AMBRA1: variants seen among roughly 807,000 people sequenced by gnomAD.
AMBRA1 encodes the protein activating molecule in BECN1-regulated autophagy protein 1.
Under a neutral mutation model 125.4 loss-of-function variants are expected in AMBRA1, and 47 were observed. That is an observed-to-expected ratio of 0.37 (90% CI 0.30 to 0.48). The LOEUF (loss-of-function observed/expected upper bound fraction) is 0.48, where lower values mean the gene tolerates loss of function less well. Ranked by LOEUF, AMBRA1 falls within the 20% of genes least tolerant of loss-of-function variation. The pLI is 0.99. For synonymous variants in AMBRA1, 626 were observed against 655.5 expected (o/e 0.95, Z 0.69); for missense variants, 1,331 against 1,693.4 (o/e 0.79, Z 3.76).
chr11:46,565,195 T>C (rs1025264011), intron 1 of AMBRA1, among the ~76,000 whole-genome samples: 3 of 152,092 alleles, frequency 2.0e-5, no homozygotes, highest in African/African-American at 7.2e-5. Flanking sequence ...GAGGCGAAGG[T>C]TGCAATGAGC....
intron 11 of AMBRA1, among the ~76,000 whole-genome samples, chr11:46,488,236 C>T (rs1460485908): frequency 6.6e-6 from 1 of 152,002 alleles, no homozygotes; most frequent in Non-Finnish European, 1.5e-5. Flanking sequence ...CAGGTAGATC[C>T]CTTGACATCA....
chr11:46,428,884 A>C (rs867131354), intron 14 of AMBRA1: 28 of 1,611,684 alleles, frequency 1.7e-5, no homozygotes, highest in Non-Finnish European at 2.3e-5. Context: ...TGGCAGGCAC[A>C]ATCTCTGGGG....
chr11:46,508,179 G>A lies in AMBRA1; in HGVS notation c.2339+12C>T. 1 of 1,613,948 alleles carries A rather than the reference G, an allele frequency of 6.2e-7. No individual in the cohort carries two copies. Among genetic ancestry groups the A allele is most frequent in the East Asian group, 2.2e-5 (1 of 44,888 alleles). On this transcript the variant is annotated intron_variant, in intron 9 of 17. Transcript: ENST00000683756. ...GAGGAGAGGGAAGAAAGCAAGCTGA[G>A]TATGTACTTACTCAAAGTCCTCAAA...
rs1373942570 is a variant in AMBRA1, at chr11:46,543,022, G to T, written c.995C>A (p.Ala332Asp). The change falls in exon 7 of 18, where the codon GCT becomes GAT. Residue 332 changes from alanine to aspartate, a missense_variant. Transcript: ENST00000683756. ...LLPHQDSVPP[A>D]SARATTPSFS... ...GGAAGGGGTAGTAGCTCTGGCAGAA[G>T]CAGGGGGGACACTGTCCTGGTGTGG... 1 of 1,599,646 alleles carries T rather than the reference G, an allele frequency of 6.3e-7. No individual in the cohort carries two copies.
At chr11:46,591,417 T>C (rs984164114) in intron 1 of AMBRA1, 1 of 152,188 alleles carries the variant, frequency 6.6e-6, no homozygotes. Flanking sequence ...TTAAGGGCCC[T>C]TCATTTAAAT....
At chr11:46,567,389 CAG>C (rs891496505) in intron 1 of AMBRA1, among the ~76,000 whole-genome samples, 3 of 148,904 alleles carry the variant, frequency 2.0e-5, no homozygotes, top group African/African-American at 5.0e-5. Context: ...TTTTTTGAGA[CAG>C]AGTCTTGCTC....
chr11:46,418,078 AAG>A (rs1491224991), intron 14 of AMBRA1, 26 bp from the exon 15 acceptor site: 61 of 1,536,182 alleles, frequency 4.0e-5, no homozygotes, highest in South Asian at 4.9e-5. Context: ...GAGGGAAAAA[AAG>A]AGAATGGGAG....
chr11:46,444,311 A>G (rs1948170119), intron 11 of AMBRA1, among the ~76,000 whole-genome samples: 5 of 152,206 alleles, frequency 3.3e-5, no homozygotes, highest in Admixed American at 1.3e-4. Context: ...TGCTTGTAAC[A>G]TCTCCAGGTT....
chr11:46,430,237 A>T (rs78185204), intron 14 of AMBRA1, among the ~76,000 whole-genome samples: 6 of 152,202 alleles, frequency 3.9e-5, no homozygotes, highest in Non-Finnish European at 8.8e-5. Flanking sequence ...CAGCCAAAAA[A>T]GCTGAGTTTG....
chr11:46,591,579 G>A (rs1212072512), intron 1 of AMBRA1, among the ~76,000 whole-genome samples: 1 of 152,106 alleles, frequency 6.6e-6, no homozygotes, highest in Non-Finnish European at 1.5e-5. Flanking sequence ...TCTCTTAGCC[G>A]GGCGCGGTGG....
At chr11:46,588,313 C>T (rs1258158371) in intron 1 of AMBRA1, among the ~76,000 whole-genome samples, 1 of 152,126 alleles carries the variant, frequency 6.6e-6, no homozygotes. Flanking sequence ...GCCTGGATGA[C>T]AGAGCAAGAC....
chr11:46,520,619 G>A (rs1241330220), intron 7 of AMBRA1, among the ~76,000 whole-genome samples: 3 of 146,924 alleles, frequency 2.0e-5, no homozygotes, highest in African/African-American at 5.1e-5. Flanking sequence ...TTTTTGAGAC[G>A]GAGTCTCGCT....
At chr11:46,463,330 T>C (rs1949180512) in intron 11 of AMBRA1, among the ~76,000 whole-genome samples, 1 of 152,216 alleles carries the variant, frequency 6.6e-6, no homozygotes, top group Non-Finnish European at 1.5e-5. Flanking sequence ...TAGTACATTA[T>C]TAGTAGGTGC....
chr11:46,523,712 A>G (rs111598350), intron 7 of AMBRA1, among the ~76,000 whole-genome samples: 3 of 152,220 alleles, frequency 2.0e-5, no homozygotes, highest in African/African-American at 4.8e-5. Context: ...ATTTAGAAAA[A>G]TCAGAGACAA....
chr11:46,552,982 G>A (rs1292693022), intron 1 of AMBRA1, among the ~76,000 whole-genome samples: 6 of 151,716 alleles, frequency 4.0e-5, no homozygotes, highest in South Asian at 4.2e-4. Context: ...GTCTCGCTCC[G>A]TCACCCAGGC....
At chr11:46,447,850 T>C (rs545517443) in intron 11 of AMBRA1, among the ~76,000 whole-genome samples, 1 of 152,186 alleles carries the variant, frequency 6.6e-6, no homozygotes, top group Non-Finnish European at 1.5e-5. Flanking sequence ...ACTCTCTGTG[T>C]GTATTGCATC....
At chr11:46,563,787 G>A (rs1450184424) in intron 1 of AMBRA1, among the ~76,000 whole-genome samples, 1 of 147,408 alleles carries the variant, frequency 6.8e-6, no homozygotes, top group African/African-American at 2.5e-5. Context: ...GTTGCAGTGA[G>A]CCAAGATCAC....
At chr11:46,408,801 G>C in intron 16 of AMBRA1, 95 bp from the exon 17 acceptor site, 1 of 1,235,622 alleles carries the variant, frequency 8.1e-7, no homozygotes, top group South Asian at 2.2e-5. Context: ...AGGGCAGTGT[G>C]GGCCAGGCCC....
At chr11:46,575,512 CTTTT>C (rs775796043) in intron 1 of AMBRA1, among the ~76,000 whole-genome samples, 1 of 100,410 alleles carries the variant, frequency 1.0e-5, no homozygotes, top group African/African-American at 4.1e-5. Flanking sequence ...TTTTTCTTTC[CTTTT>C]TTTTTTTTTT....
Sources: gnomAD v4.1 joint callset for allele counts (sites outside exome capture counted in the v4.1 genomes callset) on GRCh38, gnomAD v4.1.1 for gene constraint, MANE v1.5 for transcripts, NCBI Gene and HGNC (gene_info 2026-07-23, HGNC 2026-07-21) for gene names.